Variants in XKR6 observed in about 807,000 individuals in gnomAD.
The protein encoded by XKR6 is XK-related protein 6.
A neutral mutation model predicts 56.7 loss-of-function variants in XKR6; 22 were observed. That is an observed-to-expected ratio of 0.39 (90% CI 0.28 to 0.55). The LOEUF (loss-of-function observed/expected upper bound fraction) is 0.55. XKR6 is among the 20% of genes least tolerant of loss of function. The pLI is 0.66. For synonymous variants in XKR6, 524 were observed against 387.8 expected (o/e 1.35, Z -4.13); for missense variants, 852 against 889.0 (o/e 0.96, Z 0.53).
chr8:10,939,684 G>A (rs34497451), intron 1 of XKR6, among the ~76,000 whole-genome samples: 24,443 of 152,290 alleles, frequency 0.16, 2,814 homozygotes, highest in African/African-American at 0.32. Flanking sequence ...CCCCTAAGTC[G>A]CTGGGTTCTT....
At chr8:11,086,156 TTA>T (rs1491232134) in intron 1 of XKR6, among the ~76,000 whole-genome samples, 5 of 138,174 alleles carry the variant, frequency 3.6e-5, no homozygotes, top group African/African-American at 1.5e-4. Context: ...ATATTTTTTT[TTA>T]AAAAAAACAA....
chr8:11,003,487 C>G (rs1018293289), intron 1 of XKR6, among the ~76,000 whole-genome samples: 1 of 152,236 alleles, frequency 6.6e-6, no homozygotes, highest in Non-Finnish European at 1.5e-5. Flanking sequence ...CCATCACCAT[C>G]TTCACCAGTG....
At chr8:10,938,475 A>G (rs550561040) in intron 1 of XKR6, among the ~76,000 whole-genome samples, 1 of 152,360 alleles carries the variant, frequency 6.6e-6, no homozygotes, top group African/African-American at 2.4e-5. Flanking sequence ...AGGTGAATAT[A>G]TAAACAATTA....
intron 1 of XKR6, among the ~76,000 whole-genome samples, chr8:11,025,485 G>A (rs1446191147): frequency 1.3e-5 from 2 of 152,192 alleles, no homozygotes; most frequent in African/African-American, 4.8e-5. Context: ...GAGGAAGCCA[G>A]AGACACATAC....
At chr8:11,122,553 A>G (rs551943794) in intron 1 of XKR6, among the ~76,000 whole-genome samples, 4 of 152,360 alleles carry the variant, frequency 2.6e-5, no homozygotes, top group Middle Eastern at 3.4e-3. Flanking sequence ...AGTGGCAGGT[A>G]TAAGATTTTG....
chr8:11,006,670 G>C (rs559570438), intron 1 of XKR6, among the ~76,000 whole-genome samples: 135 of 152,256 alleles, frequency 8.9e-4, no homozygotes, highest in African/African-American at 3.1e-3. Context: ...AGAGGGAATA[G>C]CATGTGCAAA....
intron 1 of XKR6, among the ~76,000 whole-genome samples, chr8:10,969,351 A>C (rs1413579426): frequency 6.6e-6 from 1 of 152,208 alleles, no homozygotes; most frequent in Non-Finnish European, 1.5e-5. Context: ...GTCTCAGATC[A>C]AGTTAGATCT....
chr8:11,190,785 C>G (rs1195874276), intron 1 of XKR6, among the ~76,000 whole-genome samples: 4 of 152,210 alleles, frequency 2.6e-5, no homozygotes, highest in African/African-American at 9.6e-5. Flanking sequence ...TCTGTGAGCT[C>G]TGGCTTCAAA....
intron 1 of XKR6, among the ~76,000 whole-genome samples, chr8:11,031,107 G>T (rs7826139): frequency 0.062 from 9,491 of 152,284 alleles, 352 homozygotes; most frequent in South Asian, 0.1. Flanking sequence ...TGTTTGAGAT[G>T]ACCCTGTTCA....
intron 1 of XKR6, among the ~76,000 whole-genome samples, chr8:10,952,499 G>T (rs942036919): frequency 5.9e-5 from 9 of 152,216 alleles, no homozygotes; most frequent in Non-Finnish European, 1.0e-4. Context: ...TGTTGCCCTG[G>T]CTGAAGTGCA....
intron 2 of XKR6, among the ~76,000 whole-genome samples, chr8:10,922,634 C>T (rs951689579): frequency 1.4e-4 from 21 of 152,306 alleles, no homozygotes; most frequent in South Asian, 2.1e-4. Flanking sequence ...GTTTTCTCAG[C>T]GATCCTGTGA....
At chr8:11,123,938 C>A (rs756184889) in intron 1 of XKR6, 31 of 456,126 alleles carry the variant, frequency 6.8e-5, no homozygotes, top group South Asian at 2.3e-4. Flanking sequence ...CACCTCATCG[C>A]AGCAGAGGAT....
At chr8:11,016,042 C>G (rs1454437541) in intron 1 of XKR6, among the ~76,000 whole-genome samples, 38 of 152,144 alleles carry the variant, frequency 2.5e-4, no homozygotes, top group Admixed American at 2.5e-3. Context: ...GCACCGTCGG[C>G]GATCCCTGCC....
At chr8:10,946,373 G>T (rs372701290) in intron 1 of XKR6, among the ~76,000 whole-genome samples, 2 of 152,162 alleles carry the variant, frequency 1.3e-5, no homozygotes, top group African/African-American at 4.8e-5. Flanking sequence ...GCAGGCCGCA[G>T]AGCCCACCCG....
chr8:11,025,041 A>G (rs1040441946), intron 1 of XKR6, among the ~76,000 whole-genome samples: 22 of 152,198 alleles, frequency 1.4e-4, no homozygotes, highest in Admixed American at 1.2e-3. Flanking sequence ...CCAGGAAGTG[A>G]GCAGTGATGG....
At chr8:11,098,221 A>ACACG (rs1798336268) in intron 1 of XKR6, among the ~76,000 whole-genome samples, 1 of 151,908 alleles carries the variant, frequency 6.6e-6, no homozygotes, top group Non-Finnish European at 1.5e-5. Context: ...TCACACACAC[A>ACACG]CACGCACTCA....
At chr8:11,090,912 C>CA (rs34075654) in intron 1 of XKR6, among the ~76,000 whole-genome samples, 82,788 of 151,996 alleles carry the variant, frequency 0.54, 25,215 homozygotes, top group African/African-American at 0.8. Flanking sequence ...TACTTGCAAT[C>CA]ACCCCATTTG....
chr8:11,129,899 C>G (rs538503814), intron 1 of XKR6, among the ~76,000 whole-genome samples: 1 of 152,068 alleles, frequency 6.6e-6, no homozygotes, highest in Non-Finnish European at 1.5e-5. Context: ...ATCTCAGCTG[C>G]TTGATATATA....
chr8:10,911,894 G>C (rs946995427), intron 2 of XKR6, among the ~76,000 whole-genome samples: 9 of 149,854 alleles, frequency 6.0e-5, no homozygotes, highest in African/African-American at 2.2e-4. Flanking sequence ...TATATATATA[G>C]AGAGAATAGG....
Sources: allele counts gnomAD v4.1 joint callset (sites outside exome capture counted in the v4.1 genomes callset), GRCh38; gene constraint gnomAD v4.1.1; transcripts MANE v1.5; gene names NCBI Gene and HGNC (gene_info 2026-07-23, HGNC 2026-07-21).